The following ITGAM variants were observed in gnomAD, a reference collection of about 807,000 sequenced individuals.
The protein encoded by ITGAM is integrin subunit alpha M.
In ITGAM, 79 loss-of-function variants were observed where a neutral mutation model predicts 137.5. The observed-to-expected ratio is 0.57, with a 90% CI of 0.48 to 0.69. The LOEUF (loss-of-function observed/expected upper bound fraction) is 0.69, where lower values mean the gene tolerates loss of function less well. ITGAM is among the 30% of genes least tolerant of loss of function. The pLI, the probability that ITGAM is intolerant of heterozygous loss-of-function variation, is 0.00. For missense variants in ITGAM, 1,343 were observed against 1,483.5 expected (o/e 0.91, Z 1.56); for synonymous variants, 583 against 592.3 (o/e 0.98, Z 0.23).
chr16:31,316,959 C>T (rs1408378655), intron 14 of ITGAM, among the ~76,000 whole-genome samples: 2 of 152,116 alleles, frequency 1.3e-5, no homozygotes, highest in African/African-American at 4.8e-5. Flanking sequence ...CATGACTTTA[C>T]TAAATTTGTT....
At position 31,330,089 on chromosome 16, in the gene ITGAM, G is replaced by T; in HGVS notation, c.2985G>T (p.Ser995=). The T allele has an allele frequency of 6.2e-7, 1 of 1,613,524 alleles. No individual in the cohort carries two copies. Among genetic ancestry groups the T allele is most frequent in the South Asian group, 1.1e-5 (1 of 90,990 alleles). ...TGCGTCTCTTTCCTCAGAACCTCTC[G>T]AGTACGTGCCACACCAAGGAGCGCT... ...RPQVTFSENL[S]STCHTKERLP... Residue 995 remains serine (S), a synonymous_variant, in exon 26 of 30, where the codon TCG becomes TCT. Transcript: ENST00000544665.
In ITGAM at chr16:31,324,679, T is replaced by C. The variant is rs778943410; in HGVS notation, c.2186T>C (p.Ile729Thr). The C allele has an allele frequency of 1.2e-6, 2 of 1,603,260 alleles. No homozygotes were observed. Among genetic ancestry groups the C allele is most frequent in the South Asian group, 1.1e-5 (1 of 89,528 alleles). The change falls in exon 18 of 30, where the codon ATT becomes ACT. Residue 729 changes from isoleucine to threonine, a missense_variant. By Grantham distance (89) the Ile-to-Thr change is moderately conservative. Transcript: ENST00000544665. This position sits in a 1 kb window ranked among gnomAD's most constrained non-coding sequence, Gnocchi z 4.5. ...TGCATCGAGGACCCAGTGAGCCCCATTGTGCTGCGCCTGAACTTCTCTCTG... is the reference window on the plus strand; with the variant it reads ...TGCATCGAGGACCCAGTGAGCCCCACTGTGCTGCGCCTGAACTTCTCTCTG... Reference protein sequence around the residue: ...PNCIEDPVSPIVLRLNFSLVG... With the variant: ...PNCIEDPVSPTVLRLNFSLVG...
At chr16:31,329,186 C>G in intron 23 of ITGAM, 42 bp from the exon 24 acceptor site, 1 of 1,363,602 alleles carries the variant, frequency 7.3e-7, no homozygotes, top group Non-Finnish European at 1.0e-6. Context: ...CCAGGGCACC[C>G]CTCATGTTTT....
At chr16:31,287,006 T>G (rs979345756) in intron 12 of ITGAM, among the ~76,000 whole-genome samples, 3 of 152,224 alleles carry the variant, frequency 2.0e-5, no homozygotes, top group African/African-American at 7.2e-5. Flanking sequence ...TCCATGTGAT[T>G]TAAGTCTTTA....
At chr16:31,304,114 A>G (rs2080242542) in intron 14 of ITGAM, among the ~76,000 whole-genome samples, 1 of 152,102 alleles carries the variant, frequency 6.6e-6, no homozygotes, top group African/African-American at 2.4e-5. Flanking sequence ...CATCACATCC[A>G]TGCCAGATCT....
intron 14 of ITGAM, among the ~76,000 whole-genome samples, chr16:31,309,284 T>A (rs2080297624): frequency 1.9e-5 from 1 of 53,848 alleles, no homozygotes; most frequent in Non-Finnish European, 3.6e-5. Context: ...TGTGTGGGAG[T>A]CTAAGTCTCT....
At chr16:31,312,991 G>A (rs952079232) in intron 14 of ITGAM, among the ~76,000 whole-genome samples, 3 of 151,668 alleles carry the variant, frequency 2.0e-5, no homozygotes, top group Non-Finnish European at 2.9e-5. Flanking sequence ...AGGCCGAGGC[G>A]GGCGGATCAC....
rs370103742 is a variant in ITGAM at position 31,329,825 on chromosome 16, C to G, written c.2896C>G (p.Pro966Ala). Residue 966 changes from proline (P) to alanine (A), a missense_variant, in exon 25 of 30, where the codon CCC becomes GCC. Physicochemically the swap from Pro to Ala is conservative, Grantham distance 27 (BLOSUM62 -1). Transcript: ENST00000544665. ...QVSNLGQRSL[P>A]ISLVFLVPVR... Reference sequence around the variant, plus strand: ...CAGCAACCTGGGGCAGAGGAGCCTCCCCATCAGCCTGGTGTTCTTGGTGCC... The same window carrying G: ...CAGCAACCTGGGGCAGAGGAGCCTCGCCATCAGCCTGGTGTTCTTGGTGCC... 4.7e-5 allele frequency: 73 copies of G among 1,559,606 alleles called. No homozygotes were observed. Among genetic ancestry groups the G allele is most frequent in the Non-Finnish European group, 1.1e-5 (13 of 1,151,712 alleles).
intron 6 of ITGAM, among the ~76,000 whole-genome samples, 193 bp downstream of exon 6, chr16:31,271,277 C>T (rs938390626): frequency 1.3e-5 from 2 of 152,274 alleles, no homozygotes; most frequent in African/African-American, 2.4e-5. Flanking sequence ...TTTTATAAAG[C>T]GGGCAGCTCT....
At chr16:31,302,924 CTTTCTTTCTT>C (rs2080224807) in intron 14 of ITGAM, among the ~76,000 whole-genome samples, 1 of 12,640 alleles carries the variant, frequency 7.9e-5, no homozygotes, top group Non-Finnish European at 1.8e-4. Context: ...CTCCCTCTTT[CTTTCTTTCTT>C]TCTTTCTTTC....
At chr16:31,283,364 C>G (rs187547590) in intron 12 of ITGAM, among the ~76,000 whole-genome samples, 1 of 152,160 alleles carries the variant, frequency 6.6e-6, no homozygotes, top group African/African-American at 2.4e-5. Context: ...ACCAATCAGA[C>G]GTAGATTTGG....
chr16:31,301,310 T>C (rs2080194894), intron 14 of ITGAM, among the ~76,000 whole-genome samples: 1 of 152,206 alleles, frequency 6.6e-6, no homozygotes, highest in Non-Finnish European at 1.5e-5. Context: ...ATACCATTTG[T>C]CTAAGAGAGT....
Position 31,331,766 on chromosome 16 carries a change from C to A in ITGAM, c.*59C>A. 7.5e-7 allele frequency: 1 copy of A among 1,333,894 alleles called. No homozygotes were observed. The highest frequency in any genetic ancestry group is 1.0e-6 in the Non-Finnish European group (1 of 966,158). The allele number at this position is 1,333,894 out of a possible 1,614,324, so 82.6% of individuals were successfully genotyped here. A position where few individuals can be genotyped will look rare whatever the true frequency, so the allele number is the denominator to read the frequency against. On this transcript the variant is annotated 3_prime_UTR_variant, in exon 30 of 30. Coordinates refer to ENST00000544665, the MANE Select transcript of ITGAM (RefSeq NM_000632.4). ...CCAGCAGGACTCTGCCCAGACCACACGTAGCCCCCAGGCTGCTGGACACGT... is the reference window on the plus strand; with the variant it reads ...CCAGCAGGACTCTGCCCAGACCACAAGTAGCCCCCAGGCTGCTGGACACGT...
rs780348463 is a variant in ITGAM, at chr16:31,260,095, G to T, written c.28+3G>T. The T allele has an allele frequency of 1.5e-6, 2 of 1,359,700 alleles. No homozygotes were observed. The highest frequency in any genetic ancestry group is 2.6e-5 in the East Asian group (1 of 38,992). 84.2% of individuals were successfully genotyped at this position (1,359,700 alleles called of 1,614,324 possible). A position where few individuals can be genotyped will look rare whatever the true frequency, so the allele number is the denominator to read the frequency against. The stretch of plus-strand genomic sequence containing the variant: ...TCTCAGAGTCCTTCTGTTAACAGGT[G>T]CATGGGGGTGGGGTGGGGGACTCTG... On this transcript the variant is annotated splice_donor_region_variant and intron_variant, in intron 1 of 29. Transcript: ENST00000544665.
chr16:31,262,943 A>ATTTAT, intron 2 of ITGAM, among the ~76,000 whole-genome samples: 1 of 152,052 alleles, frequency 6.6e-6, no homozygotes, highest in Admixed American at 6.6e-5. Flanking sequence ...AGATGCTATA[A>ATTTAT]TTTATTTTAT....
At chr16:31,274,866 C>T (rs41401548) in intron 8 of ITGAM, among the ~76,000 whole-genome samples, 1,762 of 152,184 alleles carry the variant, frequency 0.012, 16 homozygotes, top group Non-Finnish European at 0.017. Flanking sequence ...GTGATCTGCC[C>T]GCCTTGGCCT....
Position 31,331,675 on chromosome 16 carries a change from G to A in ITGAM, c.3427G>A (p.Glu1143Lys). The change falls in exon 30 of 30, where the codon GAA becomes AAA. Residue 1143 changes from glutamate (E) to lysine (K), a missense_variant. Glu to Lys is a moderately conservative substitution (Grantham distance 56). Coordinates refer to ENST00000544665, the MANE Select transcript of ITGAM (RefSeq NM_000632.4). Reference protein sequence around the residue: ...FKRQYKDMMSEGGPPGAEPQ With the variant: ...FKRQYKDMMSKGGPPGAEPQ ...GCGGCAATACAAGGACATGATGAGT[G>A]AAGGGGGTCCCCCGGGGGCCGAACC... 1 of 1,610,130 alleles carries A rather than the reference G, an allele frequency of 6.2e-7. No homozygotes were observed.
intron 14 of ITGAM, among the ~76,000 whole-genome samples, chr16:31,305,238 T>C (rs1441191556): frequency 6.6e-6 from 1 of 152,112 alleles, no homozygotes; most frequent in Non-Finnish European, 1.5e-5. Flanking sequence ...AGGGGTTGAG[T>C]TCTTGATTTG....
Position 31,297,624 on chromosome 16 carries a change from C to T in ITGAM, c.1467C>T (p.Gly489=), listed in dbSNP as rs202207562. 3.1e-5 allele frequency: 50 copies of T among 1,613,370 alleles called. No individual in the cohort carries two copies. In the East Asian group the frequency reaches 1.1e-3, roughly 35 times the overall value. The part of the protein sequence containing the change: ...APHYYEQTRG[G]QVSVCPLPRG... The stretch of plus-strand genomic sequence containing the variant: ...ATTACTACGAGCAGACCCGAGGGGG[C>T]CAGGTGTCCGTGTGCCCCTTGCCCA... Residue 489 remains glycine, a synonymous_variant, in exon 13 of 30, where the codon GGC becomes GGT. Transcript: ENST00000544665.
Sources: allele counts gnomAD v4.1 joint callset (sites outside exome capture counted in the v4.1 genomes callset), GRCh38; gene constraint gnomAD v4.1.1; non-coding constraint Gnocchi (gnomAD v3.1); transcripts MANE v1.5; gene names NCBI Gene and HGNC (gene_info 2026-07-23, HGNC 2026-07-21).